ACSS3: variants seen among roughly 807,000 people sequenced by gnomAD.
ACSS3 encodes acyl-CoA synthetase short-chain family member 3, mitochondrial.
In ACSS3, 64 loss-of-function variants were observed where a neutral mutation model predicts 84.2. The observed-to-expected ratio is 0.76, with a 90% CI of 0.62 to 0.94. The LOEUF (loss-of-function observed/expected upper bound fraction) is 0.94. ACSS3 is among the 40% of genes least tolerant of loss of function. ACSS3 has a pLI of 0.00. For synonymous variants in ACSS3, 317 were observed against 310.1 expected (o/e 1.02, Z -0.23); for missense variants, 815 against 867.6 (o/e 0.94, Z 0.76).
chr12:81,135,603 T>C (rs1254723770), intron 3 of ACSS3, among the ~76,000 whole-genome samples: 3 of 151,638 alleles, frequency 2.0e-5, no homozygotes, highest in African/African-American at 7.3e-5. Context: ...AGATACTTCA[T>C]GTTCTCACTG....
intron 12 of ACSS3, among the ~76,000 whole-genome samples, chr12:81,232,885 A>G (rs2033512280): frequency 6.6e-6 from 1 of 151,818 alleles, no homozygotes; most frequent in South Asian, 2.1e-4. Context: ...CATACTTACT[A>G]TTAAATTTCA....
intron 9 of ACSS3, among the ~76,000 whole-genome samples, chr12:81,213,957 CTCTTTCTTTCTTTCTT>C (rs59556127): frequency 0.019 from 918 of 49,080 alleles, 16 homozygotes; most frequent in African/African-American, 0.059. Context: ...CTCCCTCTCT[CTCTTTCTTTCTTTCTT>C]TCTTTCTTTC....
intron 9 of ACSS3, among the ~76,000 whole-genome samples, chr12:81,213,981 T>TCCCTC (rs1565724425): frequency 1.1e-4 from 4 of 37,756 alleles, no homozygotes; most frequent in East Asian, 3.6e-4. Context: ...CTTTCTTTCT[T>TCCCTC]TCTTTCTTTC....
intron 13 of ACSS3, among the ~76,000 whole-genome samples, chr12:81,252,441 C>A (rs2034183216): frequency 6.6e-6 from 1 of 152,048 alleles, no homozygotes; most frequent in Non-Finnish European, 1.5e-5. Flanking sequence ...GAAGAAAGAA[C>A]AAGGACTGCC....
At chr12:81,236,532 G>A (rs947713068) in intron 13 of ACSS3, among the ~76,000 whole-genome samples, 1 of 151,068 alleles carries the variant, frequency 6.6e-6, no homozygotes, top group African/African-American at 2.4e-5. Flanking sequence ...CTTGTAGACA[G>A]CACCTACTTA....
intron 1 of ACSS3, among the ~76,000 whole-genome samples, chr12:81,105,103 A>G (rs1002433151): frequency 7.2e-5 from 11 of 152,210 alleles, no homozygotes; most frequent in Admixed American, 1.3e-4. Flanking sequence ...AGAATCAGGA[A>G]CATTTCACTC....
Position 81,260,403 on chromosome 12 carries a change from T to C in ACSS3, c.*5481T>C, listed in dbSNP as rs1046867250. ...CTTAAGAGCTAAGAAGCAAGCACTA[T>C]TGAACATATTAAATAGTCATTTGTA... is the stretch of plus-strand genomic sequence containing the variant. On this transcript the variant is annotated 3_prime_UTR_variant, in exon 16 of 16. Transcript: ENST00000548058. The C allele has an allele frequency of 7.2e-5, 11 of 152,328 alleles. No homozygotes were observed. The highest frequency in any genetic ancestry group is 8.8e-5 in the Non-Finnish European group (6 of 68,030). The allele number at this position is 152,328 out of a possible 1,614,324, so 9.4% of individuals were successfully genotyped here. A position where few individuals can be genotyped will look rare whatever the true frequency, so the allele number is the denominator to read the frequency against.
At position 81,239,780 on chromosome 12, in the gene ACSS3, C is replaced by T. The variant is rs536066544; in HGVS notation, c.1719+6309C>T. 5.9e-5 allele frequency among the ~76,000 whole-genome samples: 9 copies of T among 151,978 alleles called. No homozygotes were observed. The East Asian group carries it at 7.7e-4, about 13-fold the overall frequency. On this transcript the variant is annotated intron_variant, in intron 13 of 15. Coordinates refer to ENST00000548058, the MANE Select transcript of ACSS3 (RefSeq NM_024560.4). ...GATTTGGATGGGTACACAGCCAAAC[C>T]GTATCAGAAAGTAAAATAAAACATT...
At chr12:81,103,113 A>G (rs1882663697) in intron 1 of ACSS3, among the ~76,000 whole-genome samples, 1 of 152,162 alleles carries the variant, frequency 6.6e-6, no homozygotes, top group African/African-American at 2.4e-5. Context: ...CACAGGATTA[A>G]TTTTATTATT....
intron 1 of ACSS3, among the ~76,000 whole-genome samples, chr12:81,098,710 A>G (rs567711174): frequency 1.3e-5 from 2 of 152,372 alleles, no homozygotes; most frequent in South Asian, 4.1e-4. Context: ...CATTTAAATA[A>G]CTAGCAAATG....
At position 81,208,837 on chromosome 12, in the gene ACSS3, T is replaced by C. The variant is rs139591138; in HGVS notation, c.1355-8064T>C. On this transcript the variant is annotated intron_variant, in intron 9 of 15. Coordinates refer to ENST00000548058, the MANE Select transcript of ACSS3 (RefSeq NM_024560.4). Reference sequence around the variant, plus strand: ...AATAACTCACAGTCCTTTGGTGGTCTAACTTCTGAACCTTTATACATGCTG... The same window carrying C: ...AATAACTCACAGTCCTTTGGTGGTCCAACTTCTGAACCTTTATACATGCTG... Among the ~76,000 whole-genome samples, 17 of 152,304 alleles carry C rather than the reference T, an allele frequency of 1.1e-4. No homozygotes were observed. In the East Asian group the frequency reaches 3.1e-3, roughly 28 times the overall value.
intron 7 of ACSS3, among the ~76,000 whole-genome samples, chr12:81,163,522 T>C (rs1263880706): frequency 6.6e-6 from 1 of 152,250 alleles, no homozygotes; most frequent in Non-Finnish European, 1.5e-5. Flanking sequence ...CTTTTATCTT[T>C]ATTTTAGAGC....
intron 1 of ACSS3, among the ~76,000 whole-genome samples, chr12:81,087,090 G>T (rs545232868): frequency 2.6e-5 from 4 of 152,170 alleles, no homozygotes; most frequent in African/African-American, 9.6e-5. Flanking sequence ...GAGTTTGAAG[G>T]AGTCCAATTG....
In ACSS3 at chr12:81,216,810, A is replaced by G; in HGVS notation, c.1355-91A>G. ...TCCTAACACAGCTGCATTGTATGAC[A>G]AACTAGGGTGGGGTAGAGTGTGCAT... is the stretch of plus-strand genomic sequence containing the variant. On this transcript the variant is annotated intron_variant, in intron 9 of 15. Coordinates refer to ENST00000548058, the MANE Select transcript of ACSS3 (RefSeq NM_024560.4). 4.8e-6 allele frequency: 5 copies of G among 1,038,114 alleles called. No homozygotes were observed. The South Asian group carries it at 6.5e-5, about 14-fold the overall frequency. The allele number at this position is 1,038,114 out of a possible 1,614,324, so 64.3% of individuals were successfully genotyped here.
chr12:81,114,939 T>C (rs4379901), intron 2 of ACSS3, among the ~76,000 whole-genome samples: 3 of 152,092 alleles, frequency 2.0e-5, no homozygotes, highest in African/African-American at 7.2e-5. Context: ...CCTACATGAT[T>C]GCTATTCAGA....
In ACSS3 at chr12:81,253,396, A is replaced by T. The variant is rs778735071; in HGVS notation, c.1809A>T (p.Val603=). ...GTCATGTCCCCTTAGCACTCTGTGT[A>T]TTGAGAAAAGGTGAGAGATCTTTTT... ...LKGHVPLALC[V]LRKDINATEE... Residue 603 remains valine, a synonymous_variant, in exon 14 of 16, where the codon GTA becomes GTT. Transcript: ENST00000548058. The T allele has an allele frequency of 9.3e-6, 15 of 1,613,792 alleles. No individual in the cohort carries two copies. In the African/African-American group the frequency reaches 2.0e-4, roughly 22 times the overall value.
chr12:81,160,746 A>C (rs1353134688), intron 7 of ACSS3, among the ~76,000 whole-genome samples: 1 of 152,142 alleles, frequency 6.6e-6, no homozygotes, highest in Non-Finnish European at 1.5e-5. Flanking sequence ...GATTCTTCAA[A>C]TATATTTACT....
intron 8 of ACSS3, among the ~76,000 whole-genome samples, chr12:81,184,365 A>G (rs1158832677): frequency 1.3e-5 from 2 of 151,876 alleles, no homozygotes; most frequent in Non-Finnish European, 1.5e-5. Context: ...AAATATTCTA[A>G]CATTACCCCT....
chr12:81,088,577 C>T (rs2121312951), intron 1 of ACSS3, among the ~76,000 whole-genome samples: 1 of 152,056 alleles, frequency 6.6e-6, no homozygotes, highest in Middle Eastern at 3.4e-3. Flanking sequence ...TTTATAACAA[C>T]TCTGTGAGGC....
Sources: allele counts gnomAD v4.1 joint callset (sites outside exome capture counted in the v4.1 genomes callset), GRCh38; gene constraint gnomAD v4.1.1; transcripts MANE v1.5; gene names NCBI Gene and HGNC (gene_info 2026-07-23, HGNC 2026-07-21).